The following TBCK variants were observed in gnomAD, a reference collection of about 807,000 sequenced individuals.
The protein encoded by TBCK is TBC1 domain containing kinase, also known as TBC domain-containing protein kinase-like protein.
A neutral mutation model predicts 113.4 loss-of-function variants in TBCK; 99 were observed. The ratio of observed to expected loss-of-function variants is 0.87; its 90% confidence interval spans 0.74 to 1.03. The LOEUF is 1.03. TBCK is among the 50% of genes least tolerant of loss of function. The pLI, the probability that TBCK is intolerant of heterozygous loss-of-function variation, is 0.00. For missense variants in TBCK, 1,045 were observed against 1,061.3 expected (o/e 0.98, Z 0.21); for synonymous variants, 369 against 370.8 (o/e 1.00, Z 0.05).
Position 106,244,722 on chromosome 4 carries a change from ACTT to A in TBCK, c.971_973del (p.Glu324del). 1.2e-6 allele frequency: 2 copies of A among 1,603,594 alleles called. No individual in the cohort carries two copies. The highest frequency in any genetic ancestry group is 4.5e-5 in the East Asian group (2 of 44,618). On this transcript the variant is annotated inframe_deletion, in exon 11 of 26. Transcript: ENST00000394708. ...TCCAGCCAAACACCAAAGGTAATACACTTCTTCAATAGATCTTTCTGCCAGGTA... is the reference window on the plus strand; with the variant it reads ...TCCAGCCAAACACCAAAGGTAATACACTTCAATAGATCTTTCTGCCAGGTA...
At chr4:106,158,255 A>T (rs1157980640) in intron 23 of TBCK, among the ~76,000 whole-genome samples, 1 of 152,148 alleles carries the variant, frequency 6.6e-6, no homozygotes, top group Non-Finnish European at 1.5e-5. Context: ...ACCAGTCAGA[A>T]AATTGTACAA....
intron 24 of TBCK, among the ~76,000 whole-genome samples, chr4:106,099,713 G>A (rs1031241776): frequency 6.6e-6 from 1 of 151,936 alleles, no homozygotes; most frequent in Non-Finnish European, 1.5e-5. Flanking sequence ...AATAAATCTT[G>A]TACTCACATT....
intron 25 of TBCK, among the ~76,000 whole-genome samples, chr4:106,048,250 G>A (rs1208142398): frequency 6.6e-6 from 1 of 152,092 alleles, no homozygotes; most frequent in African/African-American, 2.4e-5. Flanking sequence ...ATGCTGGACT[G>A]GGATCTTAGC....
intron 3 of TBCK, among the ~76,000 whole-genome samples, chr4:106,264,440 A>T (rs1004232531): frequency 6.6e-6 from 1 of 152,022 alleles, no homozygotes; most frequent in Non-Finnish European, 1.5e-5. Flanking sequence ...CAGTGCGTGC[A>T]GTAGAATGAG....
At chr4:106,191,610 T>C (rs1195751467) in intron 22 of TBCK, among the ~76,000 whole-genome samples, 1 of 152,168 alleles carries the variant, frequency 6.6e-6, no homozygotes, top group Non-Finnish European at 1.5e-5. Context: ...CTATCATCAA[T>C]GCATTGAGAT....
chr4:106,175,575 C>T (rs956385175), intron 22 of TBCK, among the ~76,000 whole-genome samples: 2 of 151,998 alleles, frequency 1.3e-5, no homozygotes, highest in African/African-American at 4.8e-5. Flanking sequence ...TAACTATATA[C>T]ATTCACTCAC....
intron 22 of TBCK, among the ~76,000 whole-genome samples, chr4:106,191,208 T>G (rs1020831119): frequency 6.6e-6 from 1 of 152,154 alleles, no homozygotes; most frequent in African/African-American, 2.4e-5. Flanking sequence ...ATCTGAAGTA[T>G]AAAGGTGGAT....
intron 24 of TBCK, among the ~76,000 whole-genome samples, chr4:106,106,189 G>C (rs765357146): frequency 1.3e-5 from 2 of 152,124 alleles, no homozygotes; most frequent in Non-Finnish European, 2.9e-5. Flanking sequence ...TGAAAGAGAG[G>C]GGAAGAAAGC....
chr4:106,070,229 G>A (rs191559321), intron 25 of TBCK, among the ~76,000 whole-genome samples: 1 of 152,328 alleles, frequency 6.6e-6, no homozygotes, highest in East Asian at 1.9e-4. Flanking sequence ...AGTTTTCAAA[G>A]GGAAGGCTTC....
intron 25 of TBCK, among the ~76,000 whole-genome samples, chr4:106,090,183 TGC>T (rs2149507199): frequency 6.6e-6 from 1 of 152,344 alleles, no homozygotes; most frequent in Admixed American, 6.5e-5. Context: ...TTGCATTCTG[TGC>T]ATCTGCAGGC....
At chr4:106,203,044 G>C in intron 20 of TBCK, among the ~76,000 whole-genome samples, 1 of 151,830 alleles carries the variant, frequency 6.6e-6, no homozygotes. Context: ...AAATGAAAAT[G>C]TTTTCAAATT....
chr4:106,083,521 G>A (rs1419484393), intron 25 of TBCK, among the ~76,000 whole-genome samples: 2 of 152,176 alleles, frequency 1.3e-5, no homozygotes, highest in Non-Finnish European at 2.9e-5. Context: ...GTAGTTCTGA[G>A]GAATCCAGGC....
At chr4:106,249,014 C>G in intron 7 of TBCK, 32 bp from the exon 8 acceptor site, 2 of 1,490,852 alleles carry the variant, frequency 1.3e-6, no homozygotes, top group Non-Finnish European at 1.8e-6. Flanking sequence ...TGAATAAATG[C>G]TATTTTTCTA....
At chr4:106,281,078 T>C (rs1764541397) in intron 3 of TBCK, among the ~76,000 whole-genome samples, 1 of 152,130 alleles carries the variant, frequency 6.6e-6, no homozygotes, top group African/African-American at 2.4e-5. Flanking sequence ...TTTCCATTTT[T>C]GTATCCTCTT....
In TBCK at chr4:106,309,066, A is replaced by G. The variant is rs564950613; in HGVS notation, c.-29-77T>C. ...AAATCTTAAGCATGATTAACATACA[A>G]CTTGGAGGAAAATGCCAACCTGAAC... is the stretch of plus-strand genomic sequence containing the variant. On this transcript the variant is annotated intron_variant, in intron 1 of 25. Coordinates refer to ENST00000394708, the MANE Select transcript of TBCK (RefSeq NM_001163435.3). 18 of 987,974 alleles carry G rather than the reference A, an allele frequency of 1.8e-5. No individual in the cohort carries two copies. In the East Asian group the frequency reaches 4.8e-4, roughly 27 times the overall value. 61.2% of individuals were successfully genotyped at this position (987,974 alleles called of 1,614,324 possible). A position where few individuals can be genotyped will look rare whatever the true frequency, so the allele number is the denominator to read the frequency against.
chr4:106,103,261 T>G (rs557488597), intron 24 of TBCK, among the ~76,000 whole-genome samples: 16 of 152,222 alleles, frequency 1.1e-4, no homozygotes, highest in African/African-American at 3.9e-4. Flanking sequence ...TAACCACAGG[T>G]AGATTTGTTC....
At chr4:106,096,398 AG>A (rs1213059336) in intron 24 of TBCK, among the ~76,000 whole-genome samples, 1 of 152,234 alleles carries the variant, frequency 6.6e-6, no homozygotes, top group Non-Finnish European at 1.5e-5. Context: ...ATATATTCTC[AG>A]CACCTATATC....
intron 23 of TBCK, among the ~76,000 whole-genome samples, chr4:106,160,464 G>C (rs1289251010): frequency 6.6e-6 from 1 of 151,590 alleles, no homozygotes; most frequent in African/African-American, 2.4e-5. Flanking sequence ...CATTTCTCCA[G>C]AGAAGATATA....
chr4:106,313,127 C>T (rs1315136097), intron 1 of TBCK, among the ~76,000 whole-genome samples: 1 of 152,162 alleles, frequency 6.6e-6, no homozygotes, highest in East Asian at 1.9e-4. Flanking sequence ...ATAAACACTG[C>T]TATACATTTT....
Sources: allele counts gnomAD v4.1 joint callset (sites outside exome capture counted in the v4.1 genomes callset), GRCh38; gene constraint gnomAD v4.1.1; transcripts MANE v1.5; gene names NCBI Gene and HGNC (gene_info 2026-07-23, HGNC 2026-07-21).